Variants in SLC6A11 observed in about 807,000 individuals in gnomAD.
SLC6A11 encodes the protein sodium- and chloride-dependent GABA transporter 3.
A neutral mutation model predicts 74.8 loss-of-function variants in SLC6A11; 25 were observed. The observed-to-expected ratio is 0.33, with a 90% CI of 0.24 to 0.47. The LOEUF (loss-of-function observed/expected upper bound fraction) is 0.47. Among genes scored for constraint, SLC6A11 ranks in the 20% least tolerant of loss-of-function variants. SLC6A11 has a pLI of 1.00. For synonymous variants in SLC6A11, 330 were observed against 330.2 expected, an observed-to-expected ratio of 1.00 and a Z score of 0.01; for missense variants, 574 against 837.0, an observed-to-expected ratio of 0.69 and a Z score of 3.88.
intron 6 of SLC6A11, among the ~76,000 whole-genome samples, chr3:10,876,354 T>A (rs544096401): frequency 6.6e-6 from 1 of 152,378 alleles, no homozygotes; most frequent in South Asian, 2.1e-4. Flanking sequence ...GTTCCTGATC[T>A]CTGATGGCAA....
chr3:10,819,298 T>C lies in SLC6A11; in HGVS notation c.257-167T>C, dbSNP rs1277812240. ...GAGACTTGGAGATGTGAGGTAGACT[T>C]ACAGAAACCTAGCGCTGTTTTCTGA... On this transcript the variant is annotated intron_variant, in intron 1 of 13. Coordinates refer to ENST00000254488, the MANE Select transcript of SLC6A11 (RefSeq NM_014229.3). 2.0e-5 allele frequency among the ~76,000 whole-genome samples: 3 copies of C among 152,206 alleles called. No homozygotes were observed. The East Asian group carries it at 5.8e-4, about 29-fold the overall frequency.
intron 1 of SLC6A11, among the ~76,000 whole-genome samples, chr3:10,817,638 G>T (rs1694080540): frequency 6.6e-6 from 1 of 152,242 alleles, no homozygotes; most frequent in African/African-American, 2.4e-5. Context: ...GGCTGGCAGG[G>T]ACCGGGCTAT....
chr3:10,852,615 G>C (rs1694590406), intron 5 of SLC6A11, among the ~76,000 whole-genome samples: 1 of 152,220 alleles, frequency 6.6e-6, no homozygotes, highest in South Asian at 2.1e-4. Flanking sequence ...CCAGTGGCGG[G>C]GGCTGGCAGT....
At chr3:10,892,647 G>A (rs1695120807) in intron 6 of SLC6A11, among the ~76,000 whole-genome samples, 1 of 149,812 alleles carries the variant, frequency 6.7e-6, no homozygotes, top group Non-Finnish European at 1.5e-5. Context: ...ATGTGTTGCT[G>A]ACAGGAAGTT....
At chr3:10,838,430 G>A (rs1185263917) in intron 4 of SLC6A11, among the ~76,000 whole-genome samples, 1 of 152,248 alleles carries the variant, frequency 6.6e-6, no homozygotes, top group African/African-American at 2.4e-5. Flanking sequence ...GGGAGTGTCA[G>A]CATCAGAAGA....
At position 10,926,005 on chromosome 3, in the gene SLC6A11, C is replaced by A; in HGVS notation, c.1122C>A (p.Gly374=). 1 of 1,593,972 alleles carries A rather than the reference C, an allele frequency of 6.3e-7. No individual in the cohort carries two copies. The highest frequency in any genetic ancestry group is 8.6e-7 in the Non-Finnish European group (1 of 1,163,002). ...GVPIAEVAES[G]PGLAFIAYPK... is the part of the protein sequence containing the mutation. Reference sequence around the variant, plus strand: ...CTTTCTCTCTCTCCCTCGCTCCAGGCCCCGGCCTGGCCTTTATTGCGTACC... The same window carrying A: ...CTTTCTCTCTCTCCCTCGCTCCAGGACCCGGCCTGGCCTTTATTGCGTACC... Residue 374 remains glycine (G), a splice_region_variant and synonymous_variant, in exon 9 of 14, where the codon GGC becomes GGA. Transcript: ENST00000254488. The surrounding 1 kb of genome is among the most constrained non-coding windows in gnomAD (Gnocchi z 5.7).
At chr3:10,894,318 G>T (rs2106616691) in intron 6 of SLC6A11, among the ~76,000 whole-genome samples, 1 of 152,328 alleles carries the variant, frequency 6.6e-6, no homozygotes, top group East Asian at 1.9e-4. Context: ...CCTGAAGGCT[G>T]GCAGGACCTG....
intron 5 of SLC6A11, among the ~76,000 whole-genome samples, chr3:10,873,808 C>T (rs1374783857): frequency 2.9e-5 from 4 of 137,740 alleles, no homozygotes; most frequent in Non-Finnish European, 5.9e-5. Context: ...CTATCCTATG[C>T]TATCCTATCC....
chr3:10,891,766 A>C (rs1165127354), intron 6 of SLC6A11, among the ~76,000 whole-genome samples: 1 of 152,104 alleles, frequency 6.6e-6, no homozygotes, highest in African/African-American at 2.4e-5. Context: ...CACCCCTTTG[A>C]GTCTATTTGC....
chr3:10,928,649 G>A (rs1433518175), intron 9 of SLC6A11, among the ~76,000 whole-genome samples: 1 of 152,076 alleles, frequency 6.6e-6, no homozygotes, highest in African/African-American at 2.4e-5. Context: ...CAAAGAGCTG[G>A]AAGTTGGCTC....
intron 5 of SLC6A11, among the ~76,000 whole-genome samples, chr3:10,846,766 C>G (rs944069352): frequency 6.6e-6 from 1 of 152,176 alleles, no homozygotes; most frequent in Non-Finnish European, 1.5e-5. Flanking sequence ...TCCTTACAAT[C>G]TGGGGAGCCG....
chr3:10,862,899 G>A (rs1485946214), intron 5 of SLC6A11, among the ~76,000 whole-genome samples: 1 of 152,196 alleles, frequency 6.6e-6, no homozygotes, highest in Admixed American at 6.5e-5. Flanking sequence ...TCCAGCATAG[G>A]GCCTGGCACA....
chr3:10,828,483 AGGTTG>A (rs1352461442), intron 4 of SLC6A11, among the ~76,000 whole-genome samples: 4 of 152,178 alleles, frequency 2.6e-5, no homozygotes, highest in African/African-American at 9.7e-5. Context: ...ACTAGAGTGA[AGGTTG>A]GTTCTTTCTG....
intron 5 of SLC6A11, among the ~76,000 whole-genome samples, chr3:10,869,076 A>T (rs2076831996): frequency 2.0e-5 from 3 of 152,224 alleles, no homozygotes; most frequent in African/African-American, 7.2e-5. Context: ...TCTGTCCAAC[A>T]AATATGTATT....
intron 7 of SLC6A11, among the ~76,000 whole-genome samples, chr3:10,913,486 T>C (rs1695414059): frequency 6.6e-6 from 1 of 152,210 alleles, no homozygotes; most frequent in South Asian, 2.1e-4. Context: ...TAACTTTGAG[T>C]ACGTATTGCT....
Position 10,875,034 on chromosome 3 carries a change from G to A in SLC6A11, c.830G>A (p.Gly277Glu). The A allele has an allele frequency of 6.2e-7, 1 of 1,613,464 alleles. No individual in the cohort carries two copies. The highest frequency in any genetic ancestry group is 8.5e-7 in the Non-Finnish European group (1 of 1,179,670). Residue 277 changes from glycine (G) to glutamate (E), a missense_variant, in exon 6 of 14, where the codon GGG becomes GAG. By Grantham distance (98) the Gly-to-Glu change is moderately conservative (BLOSUM62 -2). This residue lies in a region of SLC6A11 where 215 missense variants were observed against 357.9 expected (regional missense o/e 0.60). Coordinates refer to ENST00000254488, the MANE Select transcript of SLC6A11 (RefSeq NM_014229.3). ...CTGATACGAGGGGTCACGTTGCCCG[G>A]GGCCTCAGAGGGCATCAAGTTCTAC... ...ILLIRGVTLP[G>E]ASEGIKFYLY... is the part of the protein sequence containing the mutation.
chr3:10,839,371 G>C (rs1471235834), intron 4 of SLC6A11, among the ~76,000 whole-genome samples: 1 of 152,142 alleles, frequency 6.6e-6, no homozygotes, highest in African/African-American at 2.4e-5. Flanking sequence ...AGTGGCTCCT[G>C]ACCTCCCCAC....
intron 4 of SLC6A11, among the ~76,000 whole-genome samples, chr3:10,834,340 G>GTTT (rs34661734): frequency 2.3e-4 from 26 of 114,324 alleles, no homozygotes; most frequent in East Asian, 2.0e-3. Flanking sequence ...AAGTAAGTTT[G>GTTT]TTTTTTTTTT....
Position 10,918,723 on chromosome 3 carries a change from C to T in SLC6A11, c.1120+270C>T, listed in dbSNP as rs1293668427. ...TTTCTCCCAAGCTTCACCGTCTCCC[C>T]ACTAGCCCGGACCACCATCACTGCT... On this transcript the variant is annotated intron_variant, in intron 8 of 13. Coordinates refer to ENST00000254488, the MANE Select transcript of SLC6A11 (RefSeq NM_014229.3). The surrounding 1 kb of genome is among the most constrained non-coding windows in gnomAD (Gnocchi z 4.5). 6.6e-6 allele frequency among the ~76,000 whole-genome samples: 1 copy of T among 152,162 alleles called. No homozygotes were observed. Among genetic ancestry groups the T allele is most frequent in the African/African-American group, 2.4e-5 (1 of 41,422 alleles).
Sources: allele counts gnomAD v4.1 joint callset (sites outside exome capture counted in the v4.1 genomes callset), GRCh38; gene constraint gnomAD v4.1.1; regional missense constraint gnomAD v4.1.1; non-coding constraint Gnocchi (gnomAD v3.1); transcripts MANE v1.5; gene names NCBI Gene and HGNC (gene_info 2026-07-23, HGNC 2026-07-21).